RAB37: variants seen among roughly 807,000 people sequenced by gnomAD.
The protein encoded by RAB37 is RAB37, member RAS oncogene family.
In RAB37, 29 loss-of-function variants were observed where a neutral mutation model predicts 33.1. The observed-to-expected ratio is 0.88, with a 90% confidence interval of 0.65 to 1.20. RAB37 has a LOEUF of 1.20. RAB37 is among the 50% of genes most tolerant of loss of function. The probability of loss-of-function intolerance (pLI) is 0.00; values close to 1 mark genes in which losing one functional copy is unlikely to be tolerated. For synonymous variants in RAB37, 128 were observed against 119.5 expected, an observed-to-expected ratio of 1.07 and a Z score of -0.47; for missense variants, 299 against 301.1, an observed-to-expected ratio of 0.99 and a Z score of 0.05.
rs1269573712 is a variant in RAB37, at chr17:74,744,775, C to T, written c.433-98C>T. 3 of 1,428,396 alleles carry T rather than the reference C, an allele frequency of 2.1e-6. No homozygotes were observed. Among genetic ancestry groups the T allele is most frequent in the Middle Eastern group, 1.8e-4 (1 of 5,660 alleles). The allele number at this position is 1,428,396 out of a possible 1,614,324, so 88.5% of individuals were successfully genotyped here. ...CACACCTGCCTGCAGTCCCTTGGGC[C>T]ACCAGCAGAGGGCAGGCAACGCCTG... On this transcript the variant is annotated intron_variant, in intron 6 of 8. Coordinates refer to ENST00000392613, the MANE Select transcript of RAB37 (RefSeq NM_001006638.3). This position sits in a 1 kb window ranked among gnomAD's most constrained non-coding sequence, Gnocchi z 4.2.
Position 74,746,895 on chromosome 17 carries a change from AAAAC to A in RAB37, c.*1488_*1491del. On this transcript the variant is annotated 3_prime_UTR_variant, in exon 9 of 9. Transcript: ENST00000392613. The surrounding 1 kb of genome is among the most constrained non-coding windows in gnomAD (Gnocchi z 5.2). ...CGAGTTAAACCAATGCAATATGAGTAAAACAAAGTCATGTGGGTATGTCTGGGGT... is the reference window on the plus strand; with the variant it reads ...CGAGTTAAACCAATGCAATATGAGTAAAAGTCATGTGGGTATGTCTGGGGT... 6.6e-6 allele frequency: 1 copy of A among 152,366 alleles called. No homozygotes were observed. Among genetic ancestry groups the A allele is most frequent in the South Asian group, 2.1e-4 (1 of 4,832 alleles). 9.4% of individuals were successfully genotyped at this position (152,366 alleles called of 1,614,324 possible).
In RAB37 at chr17:74,745,391, A is replaced by G; in HGVS notation, c.652A>G (p.Ser218Gly). Residue 218 changes from serine to glycine, a missense_variant, in exon 9 of 9, where the codon AGC (serine) becomes GGC (glycine). Physicochemically the swap from Ser to Gly is moderately conservative, Grantham distance 56 (BLOSUM62 0). Transcript: ENST00000392613. This position sits in a 1 kb window ranked among gnomAD's most constrained non-coding sequence, Gnocchi z 4.5. ...DYVESQKKRS[S>G]CCSFM is the part of the protein sequence containing the mutation. ...TGTAGAGTCCCAGAAGAAGCGCTCC[A>G]GCTGCTGCTCCTTCATGTGAATCCC... The G allele has an allele frequency of 1.9e-6, 3 of 1,614,078 alleles. No individual in the cohort carries two copies. The highest frequency in any genetic ancestry group is 2.5e-6 in the Non-Finnish European group (3 of 1,179,952).
intron 1 of RAB37, among the ~76,000 whole-genome samples, chr17:74,728,655 GCT>G (rs939582058): frequency 2.0e-5 from 3 of 150,274 alleles, no homozygotes; most frequent in Non-Finnish European, 4.4e-5. Flanking sequence ...GTATATGTGT[GCT>G]CTGTGTATGC....
At chr17:74,741,929 G>A (rs1018846913) in intron 2 of RAB37, among the ~76,000 whole-genome samples, 42 of 152,304 alleles carry the variant, frequency 2.8e-4, no homozygotes, top group Admixed American at 2.4e-3. Flanking sequence ...GAGGGAGACC[G>A]AAGTGGGAAA....
chr17:74,745,784 G>A lies in RAB37; in HGVS notation c.*373G>A. The A allele has an allele frequency of 5.0e-6, 1 of 201,424 alleles. No individual in the cohort carries two copies. The highest frequency in any genetic ancestry group is 1.0e-5 in the Non-Finnish European group (1 of 97,948). 12.5% of individuals were successfully genotyped at this position (201,424 alleles called of 1,614,324 possible). A position where few individuals can be genotyped will look rare whatever the true frequency, so the allele number is the denominator to read the frequency against. On this transcript the variant is annotated 3_prime_UTR_variant, in exon 9 of 9. Coordinates refer to ENST00000392613, the MANE Select transcript of RAB37 (RefSeq NM_001006638.3). This position sits in a 1 kb window ranked among gnomAD's most constrained non-coding sequence, Gnocchi z 4.5. ...CTCCAGCTCAGCCCCAGGGGACACAGATGCACTTTGGGGGTGAGGGCAGGT... is the reference window on the plus strand; with the variant it reads ...CTCCAGCTCAGCCCCAGGGGACACAAATGCACTTTGGGGGTGAGGGCAGGT...
Position 74,745,408 on chromosome 17 carries a change from G to A in RAB37, c.669G>A (p.Met223Ile). The change falls in exon 9 of 9, where the codon ATG (methionine) becomes ATA (isoleucine). Residue 223 changes from methionine to isoleucine, a missense_variant. Coordinates refer to ENST00000392613, the MANE Select transcript of RAB37 (RefSeq NM_001006638.3). The surrounding 1 kb of genome is among the most constrained non-coding windows in gnomAD (Gnocchi z 4.5). ...AGCGCTCCAGCTGCTGCTCCTTCAT[G>A]TGAATCCCAGGGGGCAGAGAGGAGG... ...QKKRSSCCSF[M>I] The A allele has an allele frequency of 6.2e-7, 1 of 1,612,992 alleles. No homozygotes were observed.
chr17:74,732,772 G>C (rs2034407721), upstream of RAB37, among the ~76,000 whole-genome samples: 1 of 133,448 alleles, frequency 7.5e-6, no homozygotes, highest in Non-Finnish European at 1.7e-5. Flanking sequence ...GTGATTTGAG[G>C]GGTGAGGTGT....
intron 1 of RAB37, chr17:74,694,214 A>G (rs1393639828): frequency 5.3e-5 from 8 of 152,206 alleles, no homozygotes. Flanking sequence ...TGTCATGAGG[A>G]TTAAATTAGT....
intron 1 of RAB37, among the ~76,000 whole-genome samples, chr17:74,679,110 CAAAA>C (rs36065654): frequency 8.1e-6 from 1 of 122,872 alleles, no homozygotes. Context: ...GACTCTGTCT[CAAAA>C]AAAAAAAAAA....
At chr17:74,705,221 A>G (rs2143791761) in intron 1 of RAB37, 1 of 702,446 alleles carries the variant, frequency 1.4e-6, no homozygotes, top group East Asian at 2.7e-5. Context: ...CTTAGCACTG[A>G]TGACCCTCAT....
chr17:74,712,252 C>T (rs1208402179), intron 1 of RAB37, among the ~76,000 whole-genome samples: 1 of 152,162 alleles, frequency 6.6e-6, no homozygotes, highest in Admixed American at 6.5e-5. Flanking sequence ...GTGTCTCCTG[C>T]CCTCTGGCTC....
intron 1 of RAB37, among the ~76,000 whole-genome samples, chr17:74,740,336 G>A (rs1343588713): frequency 6.6e-6 from 1 of 152,124 alleles, no homozygotes; most frequent in African/African-American, 2.4e-5. Flanking sequence ...TCCCTTTCCT[G>A]TCAGTATAGC....
At chr17:74,692,891 T>C (rs1598191528) in intron 1 of RAB37, among the ~76,000 whole-genome samples, 1 of 152,178 alleles carries the variant, frequency 6.6e-6, no homozygotes, top group African/African-American at 2.4e-5. Context: ...TGCTTATTCA[T>C]TGAGTCAACC....
chr17:74,679,015 G>C (rs927459199), intron 1 of RAB37, among the ~76,000 whole-genome samples: 1 of 151,776 alleles, frequency 6.6e-6, no homozygotes, highest in African/African-American at 2.4e-5. Context: ...GGAGGCTGAG[G>C]CAGGAGAATC....
chr17:74,716,619 C>T (rs1396339458), intron 1 of RAB37, among the ~76,000 whole-genome samples: 1 of 152,176 alleles, frequency 6.6e-6, no homozygotes, highest in Non-Finnish European at 1.5e-5. Flanking sequence ...TCCAAGGTCA[C>T]ATAGCTAGTA....
At chr17:74,700,678 G>A (rs1454934632) in intron 1 of RAB37, among the ~76,000 whole-genome samples, 4 of 152,000 alleles carry the variant, frequency 2.6e-5, no homozygotes, top group African/African-American at 7.3e-5. Context: ...CTTGAACCTG[G>A]GAGGCGTAGG....
chr17:74,717,333 A>G (rs1345270826), intron 1 of RAB37, among the ~76,000 whole-genome samples: 1 of 152,226 alleles, frequency 6.6e-6, no homozygotes, highest in Non-Finnish European at 1.5e-5. Flanking sequence ...AGGCACAGGC[A>G]AAGCTTATTT....
chr17:74,701,054 C>T (rs192844710), intron 1 of RAB37, among the ~76,000 whole-genome samples: 60 of 152,270 alleles, frequency 3.9e-4, no homozygotes, highest in Middle Eastern at 3.4e-3. Flanking sequence ...AGAAACCAAC[C>T]TTGTGGACCA....
Position 74,704,865 on chromosome 17 carries a change from G to A in RAB37, c.73-24391G>A, listed in dbSNP as rs984987347. The A allele has an allele frequency of 1.2e-5, 17 of 1,447,766 alleles. No homozygotes were observed. The Admixed American group carries it at 2.6e-4, about 23-fold the overall frequency. The allele number at this position is 1,447,766 out of a possible 1,614,324, so 89.7% of individuals were successfully genotyped here. A position where few individuals can be genotyped will look rare whatever the true frequency, so the allele number is the denominator to read the frequency against. On this transcript the variant is annotated intron_variant, in intron 1 of 7. Coordinates refer to the RAB37 transcript ENST00000340415. ...TGTCACCTCCCACCCCAAGGGCAGG[G>A]CCACAGCTTTCTGTTTAGGGAATAG...
Sources: allele counts gnomAD v4.1 joint callset (sites outside exome capture counted in the v4.1 genomes callset), GRCh38; gene constraint gnomAD v4.1.1; non-coding constraint Gnocchi (gnomAD v3.1); transcripts MANE v1.5; gene names NCBI Gene and HGNC (gene_info 2026-07-23, HGNC 2026-07-21).